MED12L: variants seen among roughly 807,000 people sequenced by gnomAD.
MED12L encodes the protein mediator complex subunit 12L, also known as mediator of RNA polymerase II transcription subunit 12-like protein.
In MED12L, 60 loss-of-function variants were observed where a neutral mutation model predicts 281.3. The observed-to-expected ratio is 0.21, with a 90% CI of 0.17 to 0.26. The LOEUF (loss-of-function observed/expected upper bound fraction) is 0.26, where lower values mean the gene tolerates loss of function less well. Among genes scored for constraint, MED12L ranks in the 10% least tolerant of loss-of-function variants. The pLI, the probability that MED12L is intolerant of heterozygous loss-of-function variation, is 1.00. For synonymous variants in MED12L, 974 were observed against 987.2 expected (o/e 0.99, Z 0.25); for missense variants, 2,146 against 2,680.9 (o/e 0.80, Z 4.41).
intron 5 of MED12L, among the ~76,000 whole-genome samples, chr3:151,145,349 A>G (rs1717620031): frequency 2.0e-5 from 3 of 152,166 alleles, no homozygotes; most frequent in South Asian, 4.1e-4. Flanking sequence ...TCTGCTAGGT[A>G]CTTCTGTAGT....
At chr3:151,361,381 A>G (rs948684787) in intron 21 of MED12L, among the ~76,000 whole-genome samples, 1 of 152,134 alleles carries the variant, frequency 6.6e-6, no homozygotes, top group African/African-American at 2.4e-5. Flanking sequence ...TACAGATTGT[A>G]TTAGATTCAG....
rs1714771140 is a variant in MED12L at position 151,394,988 on chromosome 3, C to G, written c.5820+121C>G. Reference sequence around the variant, plus strand: ...ATATCCCTGTATACTTGTGTGAGTGCAGGTCTATCTCTCTGTTACAGGCTT... The same window carrying G: ...ATATCCCTGTATACTTGTGTGAGTGGAGGTCTATCTCTCTGTTACAGGCTT... On this transcript the variant is annotated intron_variant, in intron 39 of 44. Transcript: ENST00000687756. The G allele has an allele frequency of 3.2e-6, 4 of 1,260,672 alleles. No homozygotes were observed. In the South Asian group the frequency reaches 5.8e-5, roughly 18 times the overall value. The allele number at this position is 1,260,672 out of a possible 1,614,324, so 78.1% of individuals were successfully genotyped here. A position where few individuals can be genotyped will look rare whatever the true frequency, so the allele number is the denominator to read the frequency against.
intron 16 of MED12L, among the ~76,000 whole-genome samples, chr3:151,310,938 C>T (rs1747414253): frequency 6.6e-6 from 1 of 152,072 alleles, no homozygotes; most frequent in African/African-American, 2.4e-5. Context: ...TGGGGAAAAA[C>T]TTTAAGGGTA....
chr3:151,289,575 C>T lies in MED12L; in HGVS notation c.2251-60484C>T, dbSNP rs140580742. Among the ~76,000 whole-genome samples the T allele has an allele frequency of 3.3e-5, 5 of 152,238 alleles. No individual in the cohort carries two copies. In the East Asian group the frequency reaches 9.6e-4, roughly 29 times the overall value. ...TAACCATCTTAAGCATTGTATATAG[C>T]TTTTTAAGACTGTTTAAAAACTATC... On this transcript the variant is annotated intron_variant, in intron 16 of 44. Coordinates refer to ENST00000687756, the MANE Select transcript of MED12L (RefSeq NM_001393769.1).
intron 16 of MED12L, chr3:151,213,776 G>C (rs202142868): frequency 6.2e-7 from 1 of 1,614,078 alleles, no homozygotes; most frequent in Non-Finnish European, 8.5e-7. Context: ...TGCCACTTCC[G>C]TCCCAGTTCA....
rs1485276385 is a variant in MED12L at position 151,355,988 on chromosome 3, T to C, written c.2610T>C (p.Asp870=). 1.2e-6 allele frequency: 2 copies of C among 1,614,152 alleles called. No individual in the cohort carries two copies. The highest frequency in any genetic ancestry group is 3.3e-5 in the Admixed American group (2 of 59,996). Residue 870 remains aspartate (D), a synonymous_variant, in exon 19 of 45, where the codon GAT becomes GAC. Coordinates refer to ENST00000687756, the MANE Select transcript of MED12L (RefSeq NM_001393769.1). The part of the protein sequence containing the change: ...PLAHHIQLIF[D]LMEPALNING... Reference sequence around the variant, plus strand: ...CTCACCACATTCAGCTCATCTTTGATCTCATGGAGCCAGCACTGAACATCA... The same window carrying C: ...CTCACCACATTCAGCTCATCTTTGACCTCATGGAGCCAGCACTGAACATCA...
Position 151,257,532 on chromosome 3 carries a change from A to G in MED12L, c.2250+63866A>G, listed in dbSNP as rs1357236843. On this transcript the variant is annotated intron_variant, in intron 16 of 44. Coordinates refer to ENST00000687756, the MANE Select transcript of MED12L (RefSeq NM_001393769.1). ...TAGGAGAATCTGTACAAAAGTGATT[A>G]TAATATCTACTTCAGAATACTGTTG... Among the ~76,000 whole-genome samples the G allele has an allele frequency of 2.6e-5, 4 of 152,272 alleles. No homozygotes were observed. In the East Asian group the frequency reaches 7.7e-4, roughly 29 times the overall value.
chr3:151,395,983 C>A (rs945871739), intron 39 of MED12L, among the ~76,000 whole-genome samples: 2 of 152,124 alleles, frequency 1.3e-5, no homozygotes, highest in Admixed American at 1.3e-4. Context: ...AGAGAAGAAA[C>A]CAATTGAACT....
chr3:151,346,500 GA>G (rs1223107963), intron 16 of MED12L, among the ~76,000 whole-genome samples: 22 of 152,098 alleles, frequency 1.4e-4, no homozygotes, highest in Admixed American at 6.5e-5. Context: ...GCCACTTAGA[GA>G]AACTTCTTCT....
intron 42 of MED12L, among the ~76,000 whole-genome samples, chr3:151,414,195 T>A (rs1717289687): frequency 6.6e-6 from 1 of 152,184 alleles, no homozygotes; most frequent in African/African-American, 2.4e-5. Flanking sequence ...TTAAAAAATA[T>A]AGGCCATTAT....
intron 39 of MED12L, among the ~76,000 whole-genome samples, chr3:151,398,030 T>C (rs1715207466): frequency 6.6e-6 from 1 of 152,210 alleles, no homozygotes; most frequent in Non-Finnish European, 1.5e-5. Context: ...CTGGGCTGTA[T>C]ACTATTTTGT....
rs148339710 is a variant in MED12L at position 151,210,597 on chromosome 3, G to T, written c.2250+16931G>T. On this transcript the variant is annotated intron_variant, in intron 16 of 44. Coordinates refer to ENST00000687756, the MANE Select transcript of MED12L (RefSeq NM_001393769.1). ...AATCACTTATGCATCAAAATGGAAT[G>T]TAAGGATTTCTGTTAAAGGGAGGTT... Among the ~76,000 whole-genome samples, 403 of 152,336 alleles carry T rather than the reference G, an allele frequency of 2.6e-3. 1 individual carries two copies. The highest frequency in any genetic ancestry group is 9.0e-3 in the African/African-American group (374 of 41,566).
intron 16 of MED12L, chr3:151,338,435 AT>A: frequency 6.2e-7 from 1 of 1,614,040 alleles, no homozygotes; most frequent in Non-Finnish European, 8.5e-7. Context: ...CCCCCAAGAG[AT>A]TTTTGGGGTT....
chr3:151,376,000 C>T (rs1756813167), intron 27 of MED12L, 26 bp from the exon 28 acceptor site: 1 of 1,342,652 alleles, frequency 7.4e-7, no homozygotes, highest in South Asian at 1.5e-5. Context: ...CAGTGCCTGT[C>T]AATCTAATTG....
At chr3:151,354,629 G>A (rs149245961) in intron 17 of MED12L, among the ~76,000 whole-genome samples, 33 of 152,220 alleles carry the variant, frequency 2.2e-4, no homozygotes, top group East Asian at 1.9e-3. Flanking sequence ...GTTTATAAAG[G>A]CACTTTTTAT....
chr3:151,342,551 A>G (rs1050152456), intron 16 of MED12L, among the ~76,000 whole-genome samples: 5 of 152,206 alleles, frequency 3.3e-5, no homozygotes, highest in African/African-American at 1.2e-4. Context: ...TCTGTATTTT[A>G]GTGAGCCTTC....
intron 16 of MED12L, chr3:151,219,532 TA>T: frequency 6.6e-6 from 1 of 152,194 alleles, no homozygotes; most frequent in Non-Finnish European, 1.5e-5. Flanking sequence ...TTTAAAAAAT[TA>T]CCTTTTAAGA....
chr3:151,364,943 A>G, intron 21 of MED12L, 36 bp from the exon 22 acceptor site: 1 of 1,435,860 alleles, frequency 7.0e-7, no homozygotes, highest in South Asian at 1.2e-5. Context: ...TTCTAGTTTT[A>G]TTTTTCTGTT....
At chr3:151,110,916 T>A (rs1046247958) in intron 2 of MED12L, among the ~76,000 whole-genome samples, 1 of 152,208 alleles carries the variant, frequency 6.6e-6, no homozygotes, top group South Asian at 2.1e-4. Context: ...AGACCTGTAC[T>A]GGCACTGGGC....
Sources: allele counts gnomAD v4.1 joint callset (sites outside exome capture counted in the v4.1 genomes callset), GRCh38; gene constraint gnomAD v4.1.1; transcripts MANE v1.5; gene names NCBI Gene and HGNC (gene_info 2026-07-23, HGNC 2026-07-21).